Variants in GAP43 observed in about 807,000 individuals in gnomAD.
The protein encoded by GAP43 is neuromodulin.
A neutral mutation model predicts 18.6 loss-of-function variants in GAP43; 6 were observed. That is an observed-to-expected ratio of 0.32 (90% CI 0.18 to 0.64). The LOEUF (loss-of-function observed/expected upper bound fraction) is 0.64, where lower values mean the gene tolerates loss of function less well. Ranked by LOEUF, GAP43 falls within the 30% of genes least tolerant of loss-of-function variation. GAP43 has a pLI of 0.78. For missense variants in GAP43, 292 were observed against 295.5 expected (o/e 0.99, Z 0.09); for synonymous variants, 115 against 111.4 (o/e 1.03, Z -0.20).
chr3:115,641,037 C>CTTTTTTTTTTTTTT (rs1161384206), intron 1 of GAP43, among the ~76,000 whole-genome samples: 1 of 33,352 alleles, frequency 3.0e-5, no homozygotes, highest in Non-Finnish European at 6.4e-5. Context: ...TTTTTTTTTT[C>CTTTTTTTTTTTTTT]TTTTTTTTTT....
At chr3:115,719,235 A>AAGAC (rs1255554749) in intron 2 of GAP43, among the ~76,000 whole-genome samples, 1 of 151,600 alleles carries the variant, frequency 6.6e-6, no homozygotes, top group Non-Finnish European at 1.5e-5. Flanking sequence ...GCTCCATTTT[A>AAGAC]AGACAGAGGC....
At chr3:115,642,368 C>T (rs949060899) in intron 1 of GAP43, among the ~76,000 whole-genome samples, 1 of 151,818 alleles carries the variant, frequency 6.6e-6, no homozygotes, top group Admixed American at 6.6e-5. Context: ...AATAATCTAC[C>T]ATGAGCCAAG....
At chr3:115,657,552 G>A (rs1475715794) in intron 1 of GAP43, among the ~76,000 whole-genome samples, 2 of 152,176 alleles carry the variant, frequency 1.3e-5, no homozygotes, top group Non-Finnish European at 2.9e-5. Context: ...TAAGGTCACT[G>A]CCCTTAATCA....
At chr3:115,698,800 T>G (rs1709257525) in intron 2 of GAP43, among the ~76,000 whole-genome samples, 1 of 152,132 alleles carries the variant, frequency 6.6e-6, no homozygotes, top group Non-Finnish European at 1.5e-5. Context: ...GTTTATAAGT[T>G]AGATAACAAA....
chr3:115,706,786 T>G (rs1709369772), intron 2 of GAP43, among the ~76,000 whole-genome samples: 1 of 152,208 alleles, frequency 6.6e-6, no homozygotes, highest in South Asian at 2.1e-4. Context: ...GAGACTCTTC[T>G]CTTTCTTTGT....
chr3:115,720,945 C>T lies in GAP43; in HGVS notation c.*63C>T. 2.0e-5 allele frequency: 22 copies of T among 1,085,620 alleles called. 1 individual carries two copies. In the South Asian group the frequency reaches 2.7e-4, roughly 13 times the overall value. The allele number at this position is 1,085,620 out of a possible 1,614,324, so 67.2% of individuals were successfully genotyped here. On this transcript the variant is annotated 3_prime_UTR_variant, in exon 3 of 3. Transcript: ENST00000305124. ...TCTCCTGAGCCTGTCTCTCCCTACCCTCTTCTCAGCTCCACTCTGAAGTCC... is the reference window on the plus strand; with the variant it reads ...TCTCCTGAGCCTGTCTCTCCCTACCTTCTTCTCAGCTCCACTCTGAAGTCC...
chr3:115,647,225 C>T (rs1335742250), intron 1 of GAP43, among the ~76,000 whole-genome samples: 4 of 151,982 alleles, frequency 2.6e-5, no homozygotes, highest in Non-Finnish European at 4.4e-5. Flanking sequence ...AAGGCTCGGT[C>T]TATTATACAG....
At chr3:115,629,432 C>T (rs1708234704) in intron 1 of GAP43, among the ~76,000 whole-genome samples, 1 of 148,118 alleles carries the variant, frequency 6.8e-6, no homozygotes, top group South Asian at 2.1e-4. Context: ...TACCTGATGA[C>T]ACCATGCCAA....
At chr3:115,661,831 C>T (rs374145599) in intron 1 of GAP43, among the ~76,000 whole-genome samples, 50 of 105,932 alleles carry the variant, frequency 4.7e-4, no homozygotes, top group African/African-American at 1.1e-3. Flanking sequence ...GAAACTAGGG[C>T]TTTTTTTTTT....
chr3:115,691,179 A>T (rs1401771443), intron 2 of GAP43, among the ~76,000 whole-genome samples: 1 of 152,254 alleles, frequency 6.6e-6, no homozygotes, highest in African/African-American at 2.4e-5. Context: ...TTTCTTGGTG[A>T]CCCAAAGTAA....
intron 2 of GAP43, among the ~76,000 whole-genome samples, chr3:115,701,677 T>C (rs940615620): frequency 3.3e-5 from 5 of 152,064 alleles, no homozygotes; most frequent in African/African-American, 1.2e-4. Context: ...TTGATTTACA[T>C]TGGACTTTTT....
chr3:115,668,293 C>T (rs1178109897), intron 1 of GAP43, among the ~76,000 whole-genome samples: 1 of 152,096 alleles, frequency 6.6e-6, no homozygotes, highest in Non-Finnish European at 1.5e-5. Flanking sequence ...AAGGAGACTT[C>T]CTTCCTTGAA....
intron 2 of GAP43, among the ~76,000 whole-genome samples, chr3:115,703,179 T>A (rs771680324): frequency 5.3e-5 from 8 of 152,078 alleles, no homozygotes; most frequent in Non-Finnish European, 1.0e-4. Context: ...ACACTGTTAT[T>A]AAAAACAGTA....
chr3:115,706,895 T>A (rs1365021203), intron 2 of GAP43, among the ~76,000 whole-genome samples: 1 of 152,192 alleles, frequency 6.6e-6, no homozygotes, highest in Non-Finnish European at 1.5e-5. Context: ...TATTAGGCAT[T>A]CATGTGAGCA....
chr3:115,689,113 T>G (rs1709070642), intron 2 of GAP43, among the ~76,000 whole-genome samples: 1 of 152,226 alleles, frequency 6.6e-6, no homozygotes. Context: ...CTCTTGGCAC[T>G]CAGGTCTCCA....
chr3:115,669,983 T>TTA (rs1708794374), intron 1 of GAP43, among the ~76,000 whole-genome samples: 1 of 119,140 alleles, frequency 8.4e-6, no homozygotes, highest in African/African-American at 3.7e-5. Context: ...TTTTTTTTTT[T>TTA]AATTTTTTTT....
chr3:115,639,916 A>G (rs937378369), intron 1 of GAP43, among the ~76,000 whole-genome samples: 1 of 152,114 alleles, frequency 6.6e-6, no homozygotes, highest in African/African-American at 2.4e-5. Flanking sequence ...AAGAAGGGAA[A>G]AGAATGGTCC....
At chr3:115,653,528 A>G (rs1265801506) in intron 1 of GAP43, among the ~76,000 whole-genome samples, 2 of 152,170 alleles carry the variant, frequency 1.3e-5, no homozygotes, top group African/African-American at 2.4e-5. Flanking sequence ...GTCTGCCCCT[A>G]CTTTGTGTGG....
At chr3:115,711,960 G>A (rs900045035) in intron 2 of GAP43, among the ~76,000 whole-genome samples, 6 of 152,020 alleles carry the variant, frequency 3.9e-5, no homozygotes, top group Non-Finnish European at 8.8e-5. Flanking sequence ...AATTATTGAG[G>A]GCAAGTAGGC....
Sources: gnomAD v4.1 joint callset for allele counts (sites outside exome capture counted in the v4.1 genomes callset) on GRCh38, gnomAD v4.1.1 for gene constraint, MANE v1.5 for transcripts, NCBI Gene and HGNC (gene_info 2026-07-23, HGNC 2026-07-21) for gene names.